The following RAB40C variants were observed in gnomAD, a reference collection of about 807,000 sequenced individuals.
RAB40C encodes RAB40C, member RAS oncogene family.
Under a neutral mutation model 28.1 loss-of-function variants are expected in RAB40C, and 8 were observed. That is an observed-to-expected ratio of 0.28 (90% CI 0.17 to 0.51). The LOEUF is 0.51. Among genes scored for constraint, RAB40C ranks in the 20% least tolerant of loss-of-function variants. The pLI, the probability that RAB40C is intolerant of heterozygous loss-of-function variation, is 0.97. For synonymous variants in RAB40C, 201 were observed against 171.7 expected, an observed-to-expected ratio of 1.17 and a Z score of -1.34; for missense variants, 288 against 405.9, an observed-to-expected ratio of 0.71 and a Z score of 2.50.
chr16:590,283 G>C lies in RAB40C; in HGVS notation c.-9G>C, dbSNP rs745772815. ...CAGGCGGCCGGCGCGGGGCGCAGGC[G>C]GCGCGGCCATGGGCTCGCAGGGCAG... On this transcript the variant is annotated 5_prime_UTR_variant, in exon 1 of 6. Coordinates refer to ENST00000248139, the MANE Select transcript of RAB40C (RefSeq NM_021168.5). The C allele has an allele frequency of 7.3e-6, 11 of 1,503,132 alleles. No individual in the cohort carries two copies. The highest frequency in any genetic ancestry group is 2.4e-4 in the Middle Eastern group (1 of 4,240). 93.1% of individuals were successfully genotyped at this position (1,503,132 alleles called of 1,614,324 possible). A position where few individuals can be genotyped will look rare whatever the true frequency, so the allele number is the denominator to read the frequency against.
At position 625,901 on chromosome 16, in the gene RAB40C, T is replaced by C. The variant is rs1164927685; in HGVS notation, c.345T>C (p.His115=). 1.9e-6 allele frequency: 3 copies of C among 1,611,576 alleles called. No individual in the cohort carries two copies. Among genetic ancestry groups the C allele is most frequent in the East Asian group, 4.5e-5 (2 of 44,832 alleles). Residue 115 remains histidine (H), a splice_region_variant and synonymous_variant, in exon 5 of 6, where the codon CAT becomes CAC. Transcript: ENST00000248139. ...TCTGCTGAGTTCTGTGCCCCCAGCA[T>C]GCACCCGGAGTCCCCCGGATCTTGG... ...IDRWIKEIDE[H]APGVPRILVG... is the part of the protein sequence containing the mutation.
At chr16:623,138 C>A (rs1043138154) in intron 3 of RAB40C, among the ~76,000 whole-genome samples, 3 of 152,156 alleles carry the variant, frequency 2.0e-5, no homozygotes, top group African/African-American at 4.8e-5. Context: ...CAGGGCCCCC[C>A]GCGTCACAGC....
chr16:620,815 C>T (rs188999159), intron 3 of RAB40C, among the ~76,000 whole-genome samples: 60 of 145,088 alleles, frequency 4.1e-4, no homozygotes, highest in Non-Finnish European at 7.6e-4. Context: ...GGCTCCACCG[C>T]GGGCATCCCA....
chr16:624,779 G>A lies in RAB40C; in HGVS notation c.265-653G>A, dbSNP rs2036792886. The stretch of plus-strand genomic sequence containing the variant: ...GGCCTGTGATGTCACCGTTTCGCCC[G>A]ACAGGGCTCTGAGTGTGAGCAGTGT... On this transcript the variant is annotated intron_variant, in intron 3 of 5. Transcript: ENST00000248139. 6 of 985,344 alleles carry A rather than the reference G, an allele frequency of 6.1e-6. No homozygotes were observed. In the South Asian group the frequency reaches 1.4e-4, roughly 23 times the overall value. 61.0% of individuals were successfully genotyped at this position (985,344 alleles called of 1,614,324 possible).
chr16:591,508 G>A (rs982405727), intron 1 of RAB40C, among the ~76,000 whole-genome samples: 1 of 152,180 alleles, frequency 6.6e-6, no homozygotes, highest in African/African-American at 2.4e-5. Flanking sequence ...GCTTACTGCT[G>A]AGGGAGTCAA....
intron 1 of RAB40C, among the ~76,000 whole-genome samples, chr16:613,398 T>C (rs1304583947): frequency 6.6e-6 from 1 of 152,016 alleles, no homozygotes; most frequent in Admixed American, 6.5e-5. Flanking sequence ...CGCCCTCGCC[T>C]GTAGAATCAA....
rs531556176 is a variant in RAB40C at position 611,574 on chromosome 16, T to C, written c.143-5634T>C. 3.3e-5 allele frequency among the ~76,000 whole-genome samples: 5 copies of C among 152,300 alleles called. No individual in the cohort carries two copies. The East Asian group carries it at 9.6e-4, about 29-fold the overall frequency. On this transcript the variant is annotated intron_variant, in intron 1 of 5. Transcript: ENST00000248139. ...AGCGCGGTGCCTCCCTGAAGAGTGT[T>C]GTTTCACTTGTGAGTGTGCACGGGA...
At chr16:608,936 G>A (rs941254038) in intron 1 of RAB40C, among the ~76,000 whole-genome samples, 5 of 152,058 alleles carry the variant, frequency 3.3e-5, no homozygotes, top group Admixed American at 1.3e-4. Context: ...GCAACACAGC[G>A]AGACCCCTGA....
At chr16:595,912 T>C (rs1235453586) in intron 1 of RAB40C, among the ~76,000 whole-genome samples, 1 of 152,266 alleles carries the variant, frequency 6.6e-6, no homozygotes, top group African/African-American at 2.4e-5. Context: ...CTAATTGTGC[T>C]GTTTTATAAG....
At chr16:594,693 T>C (rs1163575653) in intron 1 of RAB40C, among the ~76,000 whole-genome samples, 2 of 152,114 alleles carry the variant, frequency 1.3e-5, no homozygotes, top group South Asian at 4.1e-4. Context: ...TAGCTGTGTG[T>C]CTTTAGGTGA....
At chr16:615,416 G>A (rs555178113) in intron 1 of RAB40C, among the ~76,000 whole-genome samples, 9 of 152,278 alleles carry the variant, frequency 5.9e-5, no homozygotes, top group South Asian at 2.1e-4. Flanking sequence ...GTGGGAGGGC[G>A]TCGCTTATGT....
intron 5 of RAB40C, among the ~76,000 whole-genome samples, chr16:627,020 G>T (rs34997977): frequency 0.27 from 40,902 of 152,180 alleles, 6,080 homozygotes; most frequent in East Asian, 0.62. Context: ...GAGTCAGGAC[G>T]CTTGAAGGGC....
At position 607,224 on chromosome 16, in the gene RAB40C, C is replaced by T. The variant is rs552741410; in HGVS notation, c.143-9984C>T. On this transcript the variant is annotated intron_variant, in intron 1 of 5. Transcript: ENST00000248139. ...TGTTGAAAACAAAGTCGCCTGGGCACGGTGGCTCAACCCTGTCATCCCAGC... is the reference window on the plus strand; with the variant it reads ...TGTTGAAAACAAAGTCGCCTGGGCATGGTGGCTCAACCCTGTCATCCCAGC... Among the ~76,000 whole-genome samples, 21 of 152,302 alleles carry T rather than the reference C, an allele frequency of 1.4e-4. 1 individual carries two copies. The East Asian group carries it at 1.9e-3, about 14-fold the overall frequency.
At chr16:623,301 G>A (rs982890217) in intron 3 of RAB40C, among the ~76,000 whole-genome samples, 1 of 152,196 alleles carries the variant, frequency 6.6e-6, no homozygotes, top group Non-Finnish European at 1.5e-5. Context: ...TTTGTTTTAT[G>A]TCCATATAAA....
In RAB40C at chr16:617,217, A is replaced by G. The variant is rs1411364460; in HGVS notation, c.152A>G (p.Tyr51Cys). Residue 51 changes from tyrosine to cysteine, a missense_variant, in exon 2 of 6, where the codon TAC (tyrosine) becomes TGC (cysteine). Physicochemically the swap from Tyr to Cys is radical, Grantham distance 194 (BLOSUM62 -2). This residue lies in a region of RAB40C where 78 missense variants were observed against 88.2 expected (regional missense o/e 0.88). Transcript: ENST00000248139. ...SPYAYSNGID[Y>C]KTTTILLDGR... ...CTGTGCTTCCTCGCAGGGATCGACTACAAGACCACCACCATCCTGCTGGAC... is the reference window on the plus strand; with the variant it reads ...CTGTGCTTCCTCGCAGGGATCGACTGCAAGACCACCACCATCCTGCTGGAC... 1.9e-6 allele frequency: 3 copies of G among 1,613,950 alleles called. No homozygotes were observed. The highest frequency in any genetic ancestry group is 1.1e-5 in the South Asian group (1 of 91,082).
intron 1 of RAB40C, among the ~76,000 whole-genome samples, chr16:616,220 C>T (rs1314166525): frequency 2.7e-5 from 4 of 150,070 alleles, no homozygotes; most frequent in African/African-American, 9.8e-5. Flanking sequence ...CGCACCACTG[C>T]ACTCCAGCCT....
rs141213566 is a variant in RAB40C, at chr16:595,852, C to T, written c.142+5419C>T. On this transcript the variant is annotated intron_variant, in intron 1 of 5. Coordinates refer to ENST00000248139, the MANE Select transcript of RAB40C (RefSeq NM_021168.5). Reference sequence around the variant, plus strand: ...TGCTGACCTTGTGATCCACCCTCCTCGGCCTCCCAAAGTGCTGGGATTACA... The same window carrying T: ...TGCTGACCTTGTGATCCACCCTCCTTGGCCTCCCAAAGTGCTGGGATTACA... 2.9e-3 allele frequency among the ~76,000 whole-genome samples: 435 copies of T among 152,312 alleles called. 10 individuals carry two copies. The highest frequency in any genetic ancestry group is 0.022 in the Admixed American group (338 of 15,302).
intron 1 of RAB40C, among the ~76,000 whole-genome samples, chr16:598,963 G>A (rs887161129): frequency 9.2e-5 from 14 of 152,154 alleles, no homozygotes; most frequent in Non-Finnish European, 1.8e-4. Flanking sequence ...CGGGGCCGGC[G>A]GCTGCTGCTG....
chr16:624,127 C>T (rs147645802), intron 3 of RAB40C: 9 of 985,152 alleles, frequency 9.1e-6, no homozygotes, highest in East Asian at 1.1e-4. Context: ...TCTGGCTTGT[C>T]GTTGTTATCA....
Sources: allele counts gnomAD v4.1 joint callset (sites outside exome capture counted in the v4.1 genomes callset), GRCh38; gene constraint gnomAD v4.1.1; regional missense constraint gnomAD v4.1.1; transcripts MANE v1.5; gene names NCBI Gene and HGNC (gene_info 2026-07-23, HGNC 2026-07-21).